CFAP206: variants seen among roughly 807,000 people sequenced by gnomAD.
CFAP206 encodes the protein cilia- and flagella-associated protein 206.
A neutral mutation model predicts 65.4 loss-of-function variants in CFAP206; 53 were observed. The observed-to-expected ratio is 0.81, with a 90% CI of 0.65 to 1.02. The LOEUF is 1.02. Among genes scored for constraint, CFAP206 ranks in the 50% least tolerant of loss-of-function variants. The pLI, the probability that CFAP206 is intolerant of heterozygous loss-of-function variation, is 0.00. For missense variants in CFAP206, 663 were observed against 753.2 expected (o/e 0.88, Z 1.40); for synonymous variants, 250 against 254.4 (o/e 0.98, Z 0.17).
At chr6:87,439,864 TCA>T (rs1428345987) in intron 11 of CFAP206, among the ~76,000 whole-genome samples, 1 of 152,084 alleles carries the variant, frequency 6.6e-6, no homozygotes, top group Non-Finnish European at 1.5e-5. Flanking sequence ...TCTATTATGT[TCA>T]GTTATTCAAT....
chr6:87,460,212 C>T (rs1256623826), intron 11 of CFAP206, among the ~76,000 whole-genome samples: 1 of 152,188 alleles, frequency 6.6e-6, no homozygotes, highest in Non-Finnish European at 1.5e-5. Flanking sequence ...TCATGTCCAG[C>T]ACCATCATGT....
At chr6:87,446,631 T>C (rs1204810533) in intron 11 of CFAP206, among the ~76,000 whole-genome samples, 2 of 152,216 alleles carry the variant, frequency 1.3e-5, no homozygotes, top group East Asian at 3.8e-4. Flanking sequence ...GGTAGCATGA[T>C]GCCTTCCGCT....
chr6:87,408,472 A>G (rs1054240026), intron 1 of CFAP206: 1 of 129,164 alleles, frequency 7.7e-6, no homozygotes, highest in Non-Finnish European at 1.7e-5. Flanking sequence ...ACAGATCCGG[A>G]GCGCGCACAC....
At position 87,432,373 on chromosome 6, in the gene CFAP206, A is replaced by C. The variant is rs111877023; in HGVS notation, c.1300+1200A>C. 7.0e-3 allele frequency among the ~76,000 whole-genome samples: 1,068 copies of C among 152,258 alleles called. 8 individuals are homozygous for C. The highest frequency in any genetic ancestry group is 0.025 in the African/African-American group (1,018 of 41,530). On this transcript the variant is annotated intron_variant, in intron 10 of 12. Transcript: ENST00000369562. The stretch of plus-strand genomic sequence containing the variant: ...AGTGAGGGTCACTGATACTGGGGAG[A>C]AAACAATCAAGAGCCATGCAGAAGT...
intron 8 of CFAP206, 97 bp downstream of exon 8, chr6:87,426,742 A>G: frequency 2.1e-6 from 2 of 955,564 alleles, no homozygotes; most frequent in Non-Finnish European, 2.8e-6. Flanking sequence ...TAATTTCTAA[A>G]AATATAATGT....
chr6:87,431,313 C>A, intron 10 of CFAP206, 140 bp downstream of exon 10: 1 of 824,350 alleles, frequency 1.2e-6, no homozygotes, highest in African/African-American at 1.7e-5. Flanking sequence ...AAAGATGATC[C>A]AGACAAAGTC....
At chr6:87,447,126 C>G (rs1043321875) in intron 11 of CFAP206, among the ~76,000 whole-genome samples, 4 of 152,246 alleles carry the variant, frequency 2.6e-5, no homozygotes, top group African/African-American at 9.6e-5. Context: ...GATAGAGGAT[C>G]ATGTCATCTG....
intron 7 of CFAP206, among the ~76,000 whole-genome samples, chr6:87,420,229 GT>G (rs757782630): frequency 2.0e-5 from 3 of 152,192 alleles, no homozygotes; most frequent in Non-Finnish European, 4.4e-5. Context: ...GTGCATGTGA[GT>G]CCACAGGAGT....
intron 11 of CFAP206, among the ~76,000 whole-genome samples, chr6:87,437,366 A>G (rs2127953373): frequency 7.1e-6 from 1 of 141,610 alleles, no homozygotes; most frequent in South Asian, 2.4e-4. Context: ...GCGTATTTAT[A>G]ACTTTTGCCG....
At chr6:87,424,964 T>C (rs970557075) in intron 7 of CFAP206, among the ~76,000 whole-genome samples, 2 of 152,244 alleles carry the variant, frequency 1.3e-5, no homozygotes, top group Non-Finnish European at 2.9e-5. Flanking sequence ...AGTACACATT[T>C]CCACAGTGAA....
chr6:87,459,950 G>A (rs2127957881), intron 11 of CFAP206, among the ~76,000 whole-genome samples: 1 of 152,188 alleles, frequency 6.6e-6, no homozygotes, highest in South Asian at 2.1e-4. Context: ...TTTTATCTCT[G>A]TCTTTTTCAT....
At chr6:87,435,948 G>A (rs1037519242) in intron 11 of CFAP206, 11 of 152,104 alleles carry the variant, frequency 7.2e-5, no homozygotes, top group African/African-American at 2.4e-4. Context: ...TTATAGGCAC[G>A]AGCCACCATG....
chr6:87,424,905 A>G (rs993169731), intron 7 of CFAP206, among the ~76,000 whole-genome samples: 1 of 152,256 alleles, frequency 6.6e-6, no homozygotes, highest in African/African-American at 2.4e-5. Flanking sequence ...ACAAACCTGT[A>G]TATCCTGAAC....
chr6:87,408,593 ACACAGATCCGGAGCG>A lies in CFAP206; in HGVS notation c.-6+506_-6+520del, dbSNP rs1370117012. 1.7e-4 allele frequency: 26 copies of A among 150,344 alleles called. 2 individuals are homozygous for A. The highest frequency in any genetic ancestry group is 3.4e-4 in the Non-Finnish European group (23 of 67,310). The allele number at this position is 150,344 out of a possible 1,614,324, so 9.3% of individuals were successfully genotyped here. ...GCGCGCACACAGATCCGGAGCGCGC[ACACAGATCCGGAGCG>A]CGACGGACTCTCCCACTGACTGGCA... On this transcript the variant is annotated intron_variant, in intron 1 of 12. Coordinates refer to ENST00000369562, the MANE Select transcript of CFAP206 (RefSeq NM_001031743.3).
intron 11 of CFAP206, among the ~76,000 whole-genome samples, chr6:87,437,597 A>T (rs189858210): frequency 3.3e-5 from 5 of 151,954 alleles, no homozygotes; most frequent in Admixed American, 2.0e-4. Context: ...TGCTTTTTTT[A>T]AAATCTTATT....
intron 7 of CFAP206, among the ~76,000 whole-genome samples, chr6:87,421,506 A>G (rs901458228): frequency 2.0e-5 from 3 of 152,134 alleles, no homozygotes; most frequent in East Asian, 1.9e-4. Context: ...AAAAAATCCA[A>G]TATATAGCCT....
intron 3 of CFAP206, among the ~76,000 whole-genome samples, chr6:87,412,498 A>G (rs979309651): frequency 6.6e-6 from 1 of 152,098 alleles, no homozygotes; most frequent in African/African-American, 2.4e-5. Context: ...GTTGATATTC[A>G]ATATAAAGAG....
rs762585677 is a variant in CFAP206 at position 87,435,059 on chromosome 6, C to G, written c.1494+6C>G. 6.5e-7 allele frequency: 1 copy of G among 1,549,090 alleles called. No homozygotes were observed. On this transcript the variant is annotated splice_donor_region_variant and intron_variant, in intron 11 of 12. Coordinates refer to ENST00000369562, the MANE Select transcript of CFAP206 (RefSeq NM_001031743.3). ...CATTTATTCCATATTCTCAGGTAAG[C>G]AGGGTCAATATTTTATGAATTTATG...
chr6:87,457,881 C>A (rs571668789), intron 11 of CFAP206, among the ~76,000 whole-genome samples: 2 of 152,268 alleles, frequency 1.3e-5, no homozygotes, highest in African/African-American at 4.8e-5. Flanking sequence ...AGTGAAGAGA[C>A]AACTCACAGA....
Sources: allele counts gnomAD v4.1 joint callset (sites outside exome capture counted in the v4.1 genomes callset), GRCh38; gene constraint gnomAD v4.1.1; transcripts MANE v1.5; gene names NCBI Gene and HGNC (gene_info 2026-07-23, HGNC 2026-07-21).